STOX1: variants seen among roughly 807,000 people sequenced by gnomAD.
STOX1 encodes storkhead-box protein 1.
In STOX1, 57 loss-of-function variants were observed where a neutral mutation model predicts 74.8. The observed-to-expected ratio is 0.76, with a 90% confidence interval of 0.62 to 0.95. The LOEUF is 0.95. Among genes scored for constraint, STOX1 ranks in the 40% least tolerant of loss-of-function variants. The pLI, the probability that STOX1 is intolerant of heterozygous loss-of-function variation, is 0.00. For synonymous variants in STOX1, 375 were observed against 401.3 expected (o/e 0.93, Z 0.78); for missense variants, 1,010 against 1,117.0 (o/e 0.90, Z 1.37).
intron 1 of STOX1, among the ~76,000 whole-genome samples, chr10:68,863,507 A>G (rs1035903643): frequency 6.6e-6 from 1 of 152,104 alleles, no homozygotes. Flanking sequence ...CTTTCCAGGT[A>G]ATGCTGTATC....
At chr10:68,889,746 T>G (rs1841053813) in intron 3 of STOX1, among the ~76,000 whole-genome samples, 1 of 151,928 alleles carries the variant, frequency 6.6e-6, no homozygotes, top group East Asian at 1.9e-4. Context: ...GTGTTTTTAT[T>G]AGAGACAGGG....
chr10:68,835,121 A>G (rs964683272), intron 1 of STOX1, among the ~76,000 whole-genome samples: 7 of 152,060 alleles, frequency 4.6e-5, no homozygotes, highest in Admixed American at 3.3e-4. Context: ...GGCTCACTGT[A>G]GCCTCCACCT....
intron 1 of STOX1, chr10:68,828,955 C>T: frequency 1.0e-6 from 1 of 985,326 alleles, no homozygotes; most frequent in Non-Finnish European, 1.2e-6. Flanking sequence ...AACCACCGCA[C>T]CCGTGAGTGG....
intron 1 of STOX1, among the ~76,000 whole-genome samples, chr10:68,872,264 T>C (rs1057348688): frequency 3.3e-5 from 5 of 152,092 alleles, no homozygotes; most frequent in African/African-American, 1.2e-4. Context: ...AGGGACTAAA[T>C]GTTCTTATAG....
intron 1 of STOX1, among the ~76,000 whole-genome samples, chr10:68,864,665 C>G (rs1840358448): frequency 6.6e-6 from 1 of 152,112 alleles, no homozygotes. Flanking sequence ...ACAGTAACAC[C>G]AGTAGGTGAA....
chr10:68,888,802 ATTTTTTTTTTTTTTTTT>A (rs35174437), intron 3 of STOX1, among the ~76,000 whole-genome samples: 6 of 32,044 alleles, frequency 1.9e-4, no homozygotes, highest in South Asian at 1.9e-3. Flanking sequence ...TGCCCAGCTA[ATTTTTTTTTTTTTTTTT>A]TTTTTTTTTT....
At chr10:68,835,337 C>T (rs185370051) in intron 1 of STOX1, among the ~76,000 whole-genome samples, 168 of 150,204 alleles carry the variant, frequency 1.1e-3, no homozygotes, top group African/African-American at 4.0e-3. Context: ...CCACCGCACC[C>T]GGCTGGCTTT....
At chr10:68,871,342 C>T (rs1382502554) in intron 1 of STOX1, among the ~76,000 whole-genome samples, 1 of 152,204 alleles carries the variant, frequency 6.6e-6, no homozygotes, top group East Asian at 1.9e-4. Context: ...GGGGTCTGTT[C>T]CAGGCCCTCT....
rs1840291789 is a variant in STOX1 at position 68,862,777 on chromosome 10, G to T, written c.311-19181G>T. On this transcript the variant is annotated intron_variant, in intron 1 of 3. Coordinates refer to ENST00000298596, the MANE Select transcript of STOX1 (RefSeq NM_152709.5). ...AGTTTATGCTAAACATCTCCTTAGG[G>T]GACCAATCAATAATGATTCCATAGG... Among the ~76,000 whole-genome samples the T allele has an allele frequency of 2.0e-5, 3 of 152,070 alleles. No homozygotes were observed. In the South Asian group the frequency reaches 6.2e-4, roughly 31 times the overall value.
chr10:68,864,907 G>T (rs1840364324), intron 1 of STOX1, among the ~76,000 whole-genome samples: 1 of 152,194 alleles, frequency 6.6e-6, no homozygotes, highest in Non-Finnish European at 1.5e-5. Context: ...ATTTTTGAAA[G>T]TCATTCAATG....
At chr10:68,832,054 C>T (rs551649828) in intron 1 of STOX1, among the ~76,000 whole-genome samples, 4 of 152,010 alleles carry the variant, frequency 2.6e-5, no homozygotes, top group Admixed American at 6.6e-5. Context: ...TGTGAGCCAC[C>T]GCACCTGGCT....
intron 1 of STOX1, among the ~76,000 whole-genome samples, chr10:68,852,697 C>G (rs373528777): frequency 6.6e-6 from 1 of 151,862 alleles, no homozygotes; most frequent in South Asian, 2.1e-4. Flanking sequence ...ATATTCCTGC[C>G]TCAGCCTCCT....
intron 1 of STOX1, among the ~76,000 whole-genome samples, chr10:68,873,619 C>CTT (rs903229250): frequency 7.9e-6 from 1 of 126,112 alleles, no homozygotes; most frequent in African/African-American, 3.0e-5. Flanking sequence ...CTAGCTAGTC[C>CTT]TTTTTTTTTC....
intron 1 of STOX1, among the ~76,000 whole-genome samples, chr10:68,876,955 C>T (rs770232690): frequency 6.6e-6 from 1 of 152,154 alleles, no homozygotes; most frequent in Non-Finnish European, 1.5e-5. Context: ...TGAAACAGAC[C>T]ATAACTGAAG....
rs1274028614 is a variant in STOX1, at chr10:68,885,787, A to C, written c.1991A>C (p.His664Pro). 1.2e-6 allele frequency: 2 copies of C among 1,614,108 alleles called. No individual in the cohort carries two copies. Among genetic ancestry groups the C allele is most frequent in the Non-Finnish European group, 8.5e-7 (1 of 1,180,026 alleles). The change falls in exon 3 of 4, where the codon CAC becomes CCC. Residue 664 changes from histidine (H) to proline (P), a missense_variant. His to Pro is a moderately conservative substitution (Grantham distance 77). Coordinates refer to ENST00000298596, the MANE Select transcript of STOX1 (RefSeq NM_152709.5). ...SACRLVDNTI[H>P]QFQNLGLLDY... is the part of the protein sequence containing the mutation. ...TGTAGATTAGTGGATAACACAATAC[A>C]CCAGTTTCAAAATCTTGGCCTTTTG...
chr10:68,875,745 C>T (rs1840659215), intron 1 of STOX1, among the ~76,000 whole-genome samples: 1 of 152,106 alleles, frequency 6.6e-6, no homozygotes, highest in Non-Finnish European at 1.5e-5. Context: ...TCACACTTTC[C>T]CAGGGGCCTG....
At chr10:68,849,101 T>G (rs1839920908) in intron 1 of STOX1, among the ~76,000 whole-genome samples, 1 of 152,216 alleles carries the variant, frequency 6.6e-6, no homozygotes, top group African/African-American at 2.4e-5. Context: ...CCATCTTGAT[T>G]TCATGTGCTG....
At chr10:68,831,929 C>CTTTT (rs75873763) in intron 1 of STOX1, among the ~76,000 whole-genome samples, 1 of 143,336 alleles carries the variant, frequency 7.0e-6, no homozygotes, top group Non-Finnish European at 1.5e-5. Flanking sequence ...CTTTTCTTTT[C>CTTTT]TTTTTTTTTT....
In STOX1 at chr10:68,878,969, AGAG is replaced by A. The variant is rs200424004; in HGVS notation, c.311-2988_311-2986del. On this transcript the variant is annotated intron_variant, in intron 1 of 3. Coordinates refer to ENST00000298596, the MANE Select transcript of STOX1 (RefSeq NM_152709.5). ...ACACCCTAACCCTCTACCAGTCCAA[AGAG>A]TAGTACTCAGACCTGCAGTGTGAAC... Among the ~76,000 whole-genome samples, 749 of 152,320 alleles carry A rather than the reference AGAG, an allele frequency of 4.9e-3. 2 individuals carry two copies. The highest frequency in any genetic ancestry group is 8.7e-3 in the Non-Finnish European group (594 of 68,030).
Sources: gnomAD v4.1 joint callset for allele counts (sites outside exome capture counted in the v4.1 genomes callset) on GRCh38, gnomAD v4.1.1 for gene constraint, MANE v1.5 for transcripts, NCBI Gene and HGNC (gene_info 2026-07-23, HGNC 2026-07-21) for gene names.